The following NOL4 variants were observed in gnomAD, a reference collection of about 807,000 sequenced individuals.
NOL4 encodes the protein nucleolar protein 4.
In NOL4, 17 loss-of-function variants were observed where a neutral mutation model predicts 75.9. The ratio of observed to expected loss-of-function variants is 0.22; its 90% CI spans 0.15 to 0.34. The LOEUF (loss-of-function observed/expected upper bound fraction) is 0.34, where lower values mean the gene tolerates loss of function less well. Among genes scored for constraint, NOL4 ranks in the 10% least tolerant of loss-of-function variants. The pLI is 1.00. For missense variants in NOL4, 614 were observed against 793.5 expected, an observed-to-expected ratio of 0.77 and a Z score of 2.72; for synonymous variants, 292 against 289.9, an observed-to-expected ratio of 1.01 and a Z score of -0.07.
At chr18:34,106,172 T>C (rs1464514229) in intron 2 of NOL4, among the ~76,000 whole-genome samples, 2 of 152,086 alleles carry the variant, frequency 1.3e-5, no homozygotes, top group Non-Finnish European at 2.9e-5. Context: ...CACTGATGTA[T>C]TTTAAATTAG....
At chr18:33,977,894 T>A (rs115121281) in intron 6 of NOL4, among the ~76,000 whole-genome samples, 2,370 of 152,216 alleles carry the variant, frequency 0.016, 62 homozygotes, top group African/African-American at 0.054. Context: ...CACATGTGGT[T>A]TCCTAGGCTC....
intron 10 of NOL4, 83 bp from the exon 11 acceptor site, chr18:33,853,118 T>A (rs999784862): frequency 1.7e-6 from 2 of 1,143,970 alleles, no homozygotes; most frequent in African/African-American, 3.1e-5. Context: ...AAATTATAGT[T>A]GAATGAATTA....
At chr18:34,055,921 G>T (rs559889992) in intron 5 of NOL4, among the ~76,000 whole-genome samples, 1 of 151,762 alleles carries the variant, frequency 6.6e-6, no homozygotes, top group South Asian at 2.1e-4. Flanking sequence ...TTTCAATTCA[G>T]CAATTCAGTT....
At position 33,901,511 on chromosome 18, in the gene NOL4, T is replaced by C. The variant is rs1261945987; in HGVS notation, c.1543-18087A>G. On this transcript the variant is annotated intron_variant, in intron 9 of 10. Coordinates refer to ENST00000261592, the MANE Select transcript of NOL4 (RefSeq NM_003787.5). The stretch of plus-strand genomic sequence containing the variant: ...AATAAATGATTCTATTTACTTTGTG[T>C]AATTTAAAATCTTAAAATTAGTTTC... 4.6e-5 allele frequency among the ~76,000 whole-genome samples: 7 copies of C among 152,270 alleles called. No individual in the cohort carries two copies. In the East Asian group the frequency reaches 1.3e-3, roughly 29 times the overall value.
chr18:34,166,300 AAAC>A (rs1233237919), intron 1 of NOL4, among the ~76,000 whole-genome samples: 2 of 152,168 alleles, frequency 1.3e-5, no homozygotes, highest in Admixed American at 6.6e-5. Context: ...GGCATTAATA[AAAC>A]AATAAAAGAA....
intron 5 of NOL4, among the ~76,000 whole-genome samples, chr18:34,058,157 A>G (rs2076908326): frequency 6.6e-6 from 1 of 151,934 alleles, no homozygotes; most frequent in African/African-American, 2.4e-5. Context: ...TTTTTGAGAC[A>G]AAATCTCACT....
intron 1 of NOL4, among the ~76,000 whole-genome samples, chr18:34,188,747 G>A (rs2034686134): frequency 6.6e-6 from 1 of 152,166 alleles, no homozygotes; most frequent in Admixed American, 6.5e-5. Context: ...TCTACTGAAA[G>A]TGTATCATTT....
chr18:33,943,022 T>C (rs2068598137), intron 9 of NOL4, 43 bp downstream of exon 9: 3 of 1,257,806 alleles, frequency 2.4e-6, no homozygotes, highest in Non-Finnish European at 3.5e-6. Flanking sequence ...TGAACTACAT[T>C]TGCTATAGCT....
At position 34,019,553 on chromosome 18, in the gene NOL4, C is replaced by G. The variant is rs780964732; in HGVS notation, c.821G>C (p.Ser274Thr). 1 of 1,613,998 alleles carries G rather than the reference C, an allele frequency of 6.2e-7. No homozygotes were observed. Among genetic ancestry groups the G allele is most frequent in the South Asian group, 1.1e-5 (1 of 91,074 alleles). ...GTGTGTTCCCCCTGAAGCAATTGAA[C>G]TGTGCCCCAGAGTCTCATTGCCATT... ...SFNGNETLGH[S>T]SIASGGTHSR... is the part of the protein sequence containing the mutation. Residue 274 changes from serine to threonine, a missense_variant, in exon 6 of 11, where the codon AGT becomes ACT. Coordinates refer to ENST00000261592, the MANE Select transcript of NOL4 (RefSeq NM_003787.5).
chr18:33,876,939 T>A (rs1482689508), intron 10 of NOL4, among the ~76,000 whole-genome samples: 5 of 152,094 alleles, frequency 3.3e-5, no homozygotes, highest in African/African-American at 1.2e-4. Flanking sequence ...ATTGCTAGAA[T>A]CCTTTCTCAA....
At chr18:34,089,469 G>A (rs2078403303) in intron 5 of NOL4, among the ~76,000 whole-genome samples, 1 of 152,118 alleles carries the variant, frequency 6.6e-6, no homozygotes, top group Non-Finnish European at 1.5e-5. Context: ...TACACTGTCT[G>A]ACACAGTAGC....
chr18:33,943,277 C>T, intron 8 of NOL4, 99 bp from the exon 9 acceptor site: 2 of 694,614 alleles, frequency 2.9e-6, no homozygotes, highest in Non-Finnish European at 2.4e-6. Flanking sequence ...TCAACATGTG[C>T]AGGAATATCC....
chr18:33,882,713 C>T (rs1351947610), intron 10 of NOL4, among the ~76,000 whole-genome samples: 1 of 151,904 alleles, frequency 6.6e-6, no homozygotes, highest in Non-Finnish European at 1.5e-5. Context: ...TGGGTATATA[C>T]CCAAAGGACT....
intron 10 of NOL4, among the ~76,000 whole-genome samples, chr18:33,865,748 G>T (rs927693001): frequency 6.6e-6 from 1 of 152,022 alleles, no homozygotes; most frequent in Non-Finnish European, 1.5e-5. Flanking sequence ...TGTCTCTTCT[G>T]CAGTCTATGT....
At chr18:33,937,071 G>C (rs1156460071) in intron 9 of NOL4, among the ~76,000 whole-genome samples, 1 of 151,942 alleles carries the variant, frequency 6.6e-6, no homozygotes, top group Non-Finnish European at 1.5e-5. Context: ...CTTTTGAATT[G>C]TCAAAGTGAA....
chr18:34,013,539 T>G (rs1446111859), intron 6 of NOL4, among the ~76,000 whole-genome samples: 1 of 151,970 alleles, frequency 6.6e-6, no homozygotes, highest in Non-Finnish European at 1.5e-5. Context: ...CACTCTAGTC[T>G]CCAGACTTAA....
chr18:33,874,750 T>C (rs74332858), intron 10 of NOL4, among the ~76,000 whole-genome samples: 1 of 152,098 alleles, frequency 6.6e-6, no homozygotes, highest in East Asian at 1.9e-4. Context: ...CCTTTGAACA[T>C]TTCAGATGAA....
intron 10 of NOL4, among the ~76,000 whole-genome samples, chr18:33,877,336 C>T (rs1158589907): frequency 1.3e-5 from 2 of 150,840 alleles, no homozygotes; most frequent in Non-Finnish European, 2.9e-5. Context: ...AAAAATTAGC[C>T]AGGTGTGGCA....
intron 9 of NOL4, among the ~76,000 whole-genome samples, chr18:33,884,909 C>T (rs558354109): frequency 6.6e-6 from 1 of 152,196 alleles, no homozygotes; most frequent in South Asian, 2.1e-4. Context: ...TATGGCTTTG[C>T]TCTTGTTCAT....
Sources: allele counts gnomAD v4.1 joint callset (sites outside exome capture counted in the v4.1 genomes callset), GRCh38; gene constraint gnomAD v4.1.1; transcripts MANE v1.5; gene names NCBI Gene and HGNC (gene_info 2026-07-23, HGNC 2026-07-21).